DLG2: variants seen among roughly 807,000 people sequenced by gnomAD.
The protein encoded by DLG2 is disks large homolog 2.
DLG2 carries 45 observed loss-of-function variants against 132.5 expected under a neutral mutation model. The observed-to-expected ratio is 0.34, with a 90% CI of 0.27 to 0.44. The LOEUF (loss-of-function observed/expected upper bound fraction) is 0.44. DLG2 is among the 20% of genes least tolerant of loss of function. The pLI, the probability that DLG2 is intolerant of heterozygous loss-of-function variation, is 1.00. For synonymous variants in DLG2, 424 were observed against 419.6 expected (o/e 1.01, Z -0.13); for missense variants, 1,045 against 1,196.9 (o/e 0.87, Z 1.87).
chr11:83,730,009 T>C (rs2090712044), intron 18 of DLG2, among the ~76,000 whole-genome samples: 2 of 152,134 alleles, frequency 1.3e-5, no homozygotes, highest in Non-Finnish European at 2.9e-5. Flanking sequence ...TTTTTTTAAT[T>C]GTAGAAACAA....
In DLG2 at chr11:85,459,777, T is replaced by A. The variant is rs550877409; in HGVS notation, c.40+138880A>T. Among the ~76,000 whole-genome samples, 7 of 152,250 alleles carry A rather than the reference T, an allele frequency of 4.6e-5. No homozygotes were observed. The South Asian group carries it at 1.2e-3, about 27-fold the overall frequency. ...GTGGGCTGTCTCTGGGATTTCCTCC[T>A]CAGAGTAATGCTGAACCACCTGCAA... On this transcript the variant is annotated intron_variant, in intron 3 of 27. Transcript: ENST00000376104.
chr11:85,147,853 T>A (rs910547306), intron 5 of DLG2, among the ~76,000 whole-genome samples: 2 of 152,124 alleles, frequency 1.3e-5, no homozygotes, highest in Non-Finnish European at 2.9e-5. Context: ...ATCATCTAGG[T>A]CTTAAATCCC....
chr11:84,585,440 C>T (rs530002502), intron 6 of DLG2, among the ~76,000 whole-genome samples: 10 of 152,260 alleles, frequency 6.6e-5, no homozygotes, highest in Admixed American at 2.0e-4. Flanking sequence ...GTCTGTTAGG[C>T]CATGTACCCT....
chr11:83,752,254 C>A (rs771677543), intron 18 of DLG2, among the ~76,000 whole-genome samples: 1 of 148,422 alleles, frequency 6.7e-6, no homozygotes, highest in Non-Finnish European at 1.5e-5. Flanking sequence ...GTTGACAGAG[C>A]GAGACTCTGT....
In DLG2 at chr11:84,999,746, G is replaced by T. The variant is rs960719152; in HGVS notation, c.357+111915C>A. 1.7e-4 allele frequency among the ~76,000 whole-genome samples: 26 copies of T among 152,008 alleles called. 1 individual carries two copies. Among genetic ancestry groups the T allele is most frequent in the Non-Finnish European group, 1.2e-4 (8 of 67,998 alleles). ...CAAATTGATTACTGGCAGGAATAGGGTTTCAATTTAGCATTCCAGGGTTCA... is the reference window on the plus strand; with the variant it reads ...CAAATTGATTACTGGCAGGAATAGGTTTTCAATTTAGCATTCCAGGGTTCA... On this transcript the variant is annotated intron_variant, in intron 6 of 27. Coordinates refer to ENST00000376104, the MANE Select transcript of DLG2 (RefSeq NM_001142699.3).
chr11:85,165,166 G>A (rs528048694), intron 4 of DLG2, among the ~76,000 whole-genome samples: 2 of 152,276 alleles, frequency 1.3e-5, no homozygotes, highest in East Asian at 1.9e-4. Flanking sequence ...ATTAATGCCT[G>A]TCTAACAAGT....
At chr11:83,929,901 A>G (rs2079822196) in intron 15 of DLG2, among the ~76,000 whole-genome samples, 1 of 152,228 alleles carries the variant, frequency 6.6e-6, no homozygotes. Context: ...ATATTAAATG[A>G]TAATAGTGCA....
chr11:85,068,507 G>A lies in DLG2; in HGVS notation c.357+43154C>T, dbSNP rs1289236849. ...TCACAAGCATTCTTATACACCAATAGCAGACAAACAGAGAGCCAAATCATG... is the reference window on the plus strand; with the variant it reads ...TCACAAGCATTCTTATACACCAATAACAGACAAACAGAGAGCCAAATCATG... On this transcript the variant is annotated intron_variant, in intron 6 of 27. Transcript: ENST00000376104. 1.7e-4 allele frequency among the ~76,000 whole-genome samples: 26 copies of A among 151,784 alleles called. No homozygotes were observed. In the East Asian group the frequency reaches 4.5e-3, roughly 26 times the overall value.
chr11:83,553,694 T>G (rs576550194), intron 19 of DLG2, among the ~76,000 whole-genome samples: 1 of 152,254 alleles, frequency 6.6e-6, no homozygotes, highest in Admixed American at 6.5e-5. Flanking sequence ...AGTCTGACTT[T>G]CACCCAGTAA....
intron 7 of DLG2, among the ~76,000 whole-genome samples, chr11:84,473,658 T>C (rs2154491208): frequency 6.6e-6 from 1 of 152,100 alleles, no homozygotes; most frequent in South Asian, 2.1e-4. Context: ...AGCTAGCATA[T>C]CCAGCCAGAT....
At chr11:85,407,993 A>T (rs1019495492) in intron 3 of DLG2, among the ~76,000 whole-genome samples, 17 of 151,622 alleles carry the variant, frequency 1.1e-4, no homozygotes, top group African/African-American at 4.1e-4. Flanking sequence ...ACCGACAGCA[A>T]CTGCTATATA....
intron 3 of DLG2, among the ~76,000 whole-genome samples, chr11:85,456,386 A>G (rs1003272596): frequency 2.6e-5 from 4 of 152,190 alleles, no homozygotes; most frequent in Admixed American, 2.6e-4. Context: ...ATAGCAGTCT[A>G]TCTATCTTAC....
rs560701452 is a variant in DLG2 at position 84,571,343 on chromosome 11, T to G, written c.358-36612A>C. ...CTCCTTTCACTTCTCTTTCTTTTCTTTCTCCTTCCACATCTTTGCCTCTTC... is the reference window on the plus strand; with the variant it reads ...CTCCTTTCACTTCTCTTTCTTTTCTGTCTCCTTCCACATCTTTGCCTCTTC... On this transcript the variant is annotated intron_variant, in intron 6 of 27. Transcript: ENST00000376104. Among the ~76,000 whole-genome samples the G allele has an allele frequency of 2.0e-5, 3 of 152,110 alleles. No individual in the cohort carries two copies. In the South Asian group the frequency reaches 6.2e-4, roughly 32 times the overall value.
At chr11:83,702,717 A>G (rs996064728) in intron 18 of DLG2, among the ~76,000 whole-genome samples, 1 of 152,236 alleles carries the variant, frequency 6.6e-6, no homozygotes, top group African/African-American at 2.4e-5. Context: ...CCTGGTGCTC[A>G]TGAAAATTCT....
intron 3 of DLG2, among the ~76,000 whole-genome samples, chr11:85,286,808 C>T (rs556639527): frequency 1.8e-4 from 27 of 152,146 alleles, no homozygotes; most frequent in South Asian, 6.2e-4. Context: ...AAAGAAGCTC[C>T]TTGGAGAAAT....
chr11:84,457,414 A>G (rs1314793646), intron 7 of DLG2, among the ~76,000 whole-genome samples: 1 of 151,096 alleles, frequency 6.6e-6, no homozygotes. Context: ...CAGTAAAAAT[A>G]CAAAATGTTT....
intron 16 of DLG2, among the ~76,000 whole-genome samples, chr11:83,845,212 C>T (rs1429049199): frequency 2.0e-5 from 3 of 151,880 alleles, no homozygotes; most frequent in African/African-American, 4.8e-5. Context: ...ACTACGTTCA[C>T]GTGAACAATG....
intron 9 of DLG2, among the ~76,000 whole-genome samples, chr11:84,111,007 T>C (rs963748443): frequency 1.3e-5 from 2 of 152,136 alleles, no homozygotes; most frequent in Admixed American, 1.3e-4. Flanking sequence ...CTCCTCACTT[T>C]CCCCTTCATT....
intron 19 of DLG2, among the ~76,000 whole-genome samples, chr11:83,600,692 A>G (rs908482375): frequency 3.9e-5 from 6 of 152,224 alleles, no homozygotes; most frequent in African/African-American, 1.2e-4. Context: ...CTCAGAAGCA[A>G]TGACTATCTC....
Sources: allele counts gnomAD v4.1 joint callset (sites outside exome capture counted in the v4.1 genomes callset), GRCh38; gene constraint gnomAD v4.1.1; transcripts MANE v1.5; gene names NCBI Gene and HGNC (gene_info 2026-07-23, HGNC 2026-07-21).